The following SLC39A11 variants were observed in gnomAD, a reference collection of about 807,000 sequenced individuals.
SLC39A11 encodes zinc transporter ZIP11.
Under a neutral mutation model 36.1 loss-of-function variants are expected in SLC39A11, and 33 were observed. The ratio of observed to expected loss-of-function variants is 0.91; its 90% CI spans 0.69 to 1.22. The LOEUF (loss-of-function observed/expected upper bound fraction) is 1.22, where lower values mean the gene tolerates loss of function less well. Among genes scored for constraint, SLC39A11 ranks in the 50% most tolerant of loss-of-function variants. The probability of loss-of-function intolerance (pLI) is 0.00; values close to 1 mark genes in which losing one functional copy is unlikely to be tolerated. For synonymous variants in SLC39A11, 166 were observed against 170.3 expected, an observed-to-expected ratio of 0.97 and a Z score of 0.20; for missense variants, 432 against 430.3, an observed-to-expected ratio of 1.00 and a Z score of -0.03.
chr17:73,089,315 C>G (rs1192679241), intron 1 of SLC39A11, among the ~76,000 whole-genome samples: 3 of 152,208 alleles, frequency 2.0e-5, no homozygotes, highest in African/African-American at 7.2e-5. Context: ...ACCCCCGACT[C>G]TCCAATCCCG....
At chr17:72,727,914 T>C (rs1467467993) in intron 7 of SLC39A11, among the ~76,000 whole-genome samples, 1 of 152,164 alleles carries the variant, frequency 6.6e-6, no homozygotes, top group Admixed American at 6.5e-5. Context: ...CTGCCTGTCT[T>C]CTTCCCAGGT....
intron 7 of SLC39A11, among the ~76,000 whole-genome samples, chr17:72,732,686 G>A (rs962723429): frequency 6.6e-6 from 1 of 152,190 alleles, no homozygotes; most frequent in East Asian, 1.9e-4. Flanking sequence ...AAGTGCAACC[G>A]TACTTAAGAG....
chr17:72,811,569 A>C (rs1195216144), intron 6 of SLC39A11, among the ~76,000 whole-genome samples: 1 of 152,226 alleles, frequency 6.6e-6, no homozygotes, highest in Non-Finnish European at 1.5e-5. Flanking sequence ...TCTAAAATGC[A>C]TAGCTTAGTC....
At chr17:73,041,002 C>CAAA (rs1197829327) in intron 3 of SLC39A11, among the ~76,000 whole-genome samples, 3 of 134,366 alleles carry the variant, frequency 2.2e-5, no homozygotes, top group African/African-American at 9.7e-5. Context: ...AAACAAAAAA[C>CAAA]AAAAAACAAA....
chr17:72,719,219 C>G (rs1019432960), intron 7 of SLC39A11, among the ~76,000 whole-genome samples: 1 of 152,056 alleles, frequency 6.6e-6, no homozygotes, highest in African/African-American at 2.4e-5. Context: ...TGCACTCCAG[C>G]CTGGACAACA....
intron 4 of SLC39A11, among the ~76,000 whole-genome samples, chr17:73,016,362 C>G (rs1485292815): frequency 6.7e-6 from 1 of 149,106 alleles, no homozygotes; most frequent in East Asian, 2.0e-4. Flanking sequence ...TTGACAAAGT[C>G]TCGCTCTGTT....
Position 72,849,794 on chromosome 17 carries a change from C to T in SLC39A11, c.441G>A (p.Glu147=), listed in dbSNP as rs756830187. ...TCTTTCTCTGATATGCCTCACCATT[C>T]TCACTCTTGTCTGAGCAAAAAAAAA... is the stretch of plus-strand genomic sequence containing the variant. ...SELSIRIDKS[E]NGEAYQRKKA... is the part of the protein sequence containing the mutation. The change falls in exon 6 of 10, where the codon GAG becomes GAA. Residue 147 remains glutamate (E), a synonymous_variant. Transcript: ENST00000255559. 3.3e-5 allele frequency: 51 copies of T among 1,537,744 alleles called. No individual in the cohort carries two copies. The highest frequency in any genetic ancestry group is 4.4e-5 in the Non-Finnish European group (51 of 1,152,152).
At chr17:72,668,750 TC>T (rs781558156) in intron 7 of SLC39A11, among the ~76,000 whole-genome samples, 1 of 152,192 alleles carries the variant, frequency 6.6e-6, no homozygotes, top group Non-Finnish European at 1.5e-5. Context: ...CACACAGTGT[TC>T]AGAGCCCATC....
chr17:72,820,516 C>T (rs2145542799), intron 6 of SLC39A11, among the ~76,000 whole-genome samples: 1 of 151,200 alleles, frequency 6.6e-6, no homozygotes, highest in East Asian at 1.9e-4. Flanking sequence ...TCTCTCCTGC[C>T]ACCGCGGATC....
intron 5 of SLC39A11, among the ~76,000 whole-genome samples, chr17:72,924,162 A>AAATTT (rs560384382): frequency 3.3e-5 from 4 of 120,566 alleles, no homozygotes; most frequent in Middle Eastern, 4.5e-3. Context: ...AAAAAAAAAA[A>AAATTT]TTTTTTTTTT....
chr17:73,026,408 G>A (rs780366452), intron 4 of SLC39A11, among the ~76,000 whole-genome samples: 72 of 150,900 alleles, frequency 4.8e-4, no homozygotes, highest in Non-Finnish European at 9.0e-4. Context: ...CCAGATAGTT[G>A]GGAGACTGAG....
intron 6 of SLC39A11, among the ~76,000 whole-genome samples, chr17:72,808,295 A>C (rs1047486933): frequency 6.6e-6 from 1 of 152,252 alleles, no homozygotes; most frequent in Non-Finnish European, 1.5e-5. Context: ...TGCAAAGAAT[A>C]TGACAGGAAG....
chr17:72,900,036 A>AAGAG (rs1193214146), intron 5 of SLC39A11, among the ~76,000 whole-genome samples: 1 of 124,638 alleles, frequency 8.0e-6, no homozygotes, highest in Non-Finnish European at 1.7e-5. Context: ...GAGAGAGAGA[A>AAGAG]AGAGAGAGAG....
At chr17:72,889,748 C>A (rs2081629648) in intron 5 of SLC39A11, among the ~76,000 whole-genome samples, 1 of 152,076 alleles carries the variant, frequency 6.6e-6, no homozygotes, top group Non-Finnish European at 1.5e-5. Context: ...ATACTGTCAC[C>A]AGTAATTTTA....
At chr17:72,653,329 A>C (rs886096339) in intron 7 of SLC39A11, among the ~76,000 whole-genome samples, 10 of 151,630 alleles carry the variant, frequency 6.6e-5, no homozygotes, top group African/African-American at 2.2e-4. Context: ...GGCTGGTCTC[A>C]AACTCCTGAC....
chr17:72,913,581 G>C (rs1055872793), intron 5 of SLC39A11, among the ~76,000 whole-genome samples: 5 of 152,266 alleles, frequency 3.3e-5, no homozygotes, highest in African/African-American at 1.2e-4. Context: ...GGTAGGGGGA[G>C]AGAGGTAGAG....
chr17:73,046,856 G>A (rs1202038986), intron 3 of SLC39A11, among the ~76,000 whole-genome samples: 3 of 151,980 alleles, frequency 2.0e-5, no homozygotes, highest in Non-Finnish European at 2.9e-5. Flanking sequence ...TGGGGGCATC[G>A]CTTGAGCCCG....
intron 4 of SLC39A11, among the ~76,000 whole-genome samples, chr17:72,988,992 C>T (rs774518037): frequency 3.9e-5 from 6 of 152,190 alleles, no homozygotes; most frequent in Non-Finnish European, 7.3e-5. Flanking sequence ...GGGCACATCA[C>T]TTGAGGTCAG....
chr17:72,708,903 G>A (rs892686391), intron 7 of SLC39A11, among the ~76,000 whole-genome samples: 4 of 151,524 alleles, frequency 2.6e-5, no homozygotes, highest in African/African-American at 7.3e-5. Flanking sequence ...CTTTGGCTCT[G>A]TTTTCTGAGA....
Sources: allele counts gnomAD v4.1 joint callset (sites outside exome capture counted in the v4.1 genomes callset), GRCh38; gene constraint gnomAD v4.1.1; transcripts MANE v1.5; gene names NCBI Gene and HGNC (gene_info 2026-07-23, HGNC 2026-07-21).